Variants in ICA1 observed in about 807,000 individuals in gnomAD.
The protein encoded by ICA1 is islet cell autoantigen 1, also known as 69 kDa islet cell autoantigen.
Under a neutral mutation model 71.0 loss-of-function variants are expected in ICA1, and 40 were observed. That is an observed-to-expected ratio of 0.56 (90% confidence interval 0.44 to 0.73). The LOEUF (loss-of-function observed/expected upper bound fraction) is 0.73. ICA1 is among the 30% of genes least tolerant of loss of function. The pLI is 0.00. For missense variants in ICA1, 578 were observed against 576.5 expected (o/e 1.00, Z -0.03); for synonymous variants, 207 against 209.5 (o/e 0.99, Z 0.10).
intron 4 of ICA1, among the ~76,000 whole-genome samples, chr7:8,228,306 C>A (rs1331771117): frequency 2.0e-5 from 3 of 151,420 alleles, no homozygotes; most frequent in Non-Finnish European, 3.0e-5. Context: ...TAAAAAAAAA[C>A]CTGAAGGTAA....
chr7:8,158,486 G>C, intron 7 of ICA1, 41 bp downstream of exon 7: 3 of 1,609,878 alleles, frequency 1.9e-6, no homozygotes, highest in Non-Finnish European at 2.5e-6. Flanking sequence ...TTTAAACCTT[G>C]TGCCATCCTT....
At chr7:8,182,799 A>G (rs1022084442) in intron 6 of ICA1, among the ~76,000 whole-genome samples, 6 of 152,070 alleles carry the variant, frequency 3.9e-5, no homozygotes, top group African/African-American at 1.4e-4. Context: ...TTGGTGTTCA[A>G]TATATTTGTT....
At chr7:8,126,464 C>T (rs1414203410) in intron 13 of ICA1, among the ~76,000 whole-genome samples, 2 of 151,962 alleles carry the variant, frequency 1.3e-5, no homozygotes, top group Non-Finnish European at 2.9e-5. Flanking sequence ...TCTCTACCTC[C>T]ATTACTGCAA....
At chr7:8,213,419 G>C (rs922246998) in intron 6 of ICA1, among the ~76,000 whole-genome samples, 1 of 152,200 alleles carries the variant, frequency 6.6e-6, no homozygotes, top group African/African-American at 2.4e-5. Context: ...CTGGCATAGG[G>C]GGAGGTGTCC....
chr7:8,155,676 C>T (rs1801239875), intron 8 of ICA1, among the ~76,000 whole-genome samples: 1 of 152,100 alleles, frequency 6.6e-6, no homozygotes, highest in Non-Finnish European at 1.5e-5. Context: ...ACATGCATGC[C>T]CTAAACCCTA....
At position 8,157,161 on chromosome 7, in the gene ICA1, A is replaced by G; in HGVS notation, c.759T>C (p.His253=). Residue 253 remains histidine (H), a synonymous_variant, in exon 8 of 14, where the codon CAT becomes CAC. Coordinates refer to ENST00000402384, the MANE Select transcript of ICA1 (RefSeq NM_001136020.3). The part of the protein sequence containing the change: ...EKTSHTMAAI[H]ESFKGYQPYE... ...ATGGTTGATAACCTTTGAAACTCTC[A>G]TGGATGGCTGCCATAGTGTGAGAAG... 1 of 1,613,332 alleles carries G rather than the reference A, an allele frequency of 6.2e-7. No individual in the cohort carries two copies. The highest frequency in any genetic ancestry group is 8.5e-7 in the Non-Finnish European group (1 of 1,179,868).
chr7:8,195,955 G>C (rs1787368920), intron 6 of ICA1, among the ~76,000 whole-genome samples: 1 of 151,656 alleles, frequency 6.6e-6, no homozygotes, highest in South Asian at 2.1e-4. Context: ...TCCAGCCTGG[G>C]CAACAGAGTG....
intron 6 of ICA1, among the ~76,000 whole-genome samples, chr7:8,204,080 C>T (rs185296791): frequency 1.6e-3 from 235 of 150,746 alleles, no homozygotes; most frequent in African/African-American, 5.1e-3. Flanking sequence ...AAAAAAAAAG[C>T]CCAAATACTC....
At chr7:8,141,090 T>G (rs1012230824) in intron 10 of ICA1, among the ~76,000 whole-genome samples, 2 of 152,168 alleles carry the variant, frequency 1.3e-5, no homozygotes, top group Non-Finnish European at 2.9e-5. Context: ...CTTGGTACTG[T>G]GTCACATTAA....
At chr7:8,194,167 G>A (rs903800494) in intron 6 of ICA1, among the ~76,000 whole-genome samples, 1 of 152,086 alleles carries the variant, frequency 6.6e-6, no homozygotes, top group Non-Finnish European at 1.5e-5. Flanking sequence ...GGCTTGCTCT[G>A]GAATCCTGTC....
intron 5 of ICA1, chr7:8,218,937 G>T (rs1299158612): frequency 3.9e-5 from 10 of 256,384 alleles, no homozygotes; most frequent in Non-Finnish European, 7.7e-6. Context: ...ACTCTCCAAA[G>T]GCCAAGGCAT....
chr7:8,159,592 G>A (rs1464897679), intron 6 of ICA1, among the ~76,000 whole-genome samples: 1 of 151,984 alleles, frequency 6.6e-6, no homozygotes, highest in Non-Finnish European at 1.5e-5. Context: ...CCCAGCTACT[G>A]GGGAGGCTAA....
chr7:8,246,210 T>C (rs1242421908), intron 1 of ICA1, among the ~76,000 whole-genome samples: 3 of 152,204 alleles, frequency 2.0e-5, no homozygotes, highest in African/African-American at 7.2e-5. Context: ...AGCGCCAAGA[T>C]ATTGTCACAG....
At chr7:8,119,189 G>T (rs73674820) in intron 13 of ICA1, among the ~76,000 whole-genome samples, 17,868 of 152,080 alleles carry the variant, frequency 0.12, 1,099 homozygotes, top group East Asian at 0.16. Flanking sequence ...TCGATCCTAT[G>T]GTCCTCTGAC....
intron 1 of ICA1, among the ~76,000 whole-genome samples, chr7:8,255,912 T>C (rs1809981143): frequency 6.6e-6 from 1 of 151,792 alleles, no homozygotes; most frequent in African/African-American, 2.4e-5. Flanking sequence ...TAGCTGGGAC[T>C]ACAGGCACAT....
Position 8,230,837 on chromosome 7 carries a change from A to G in ICA1, c.183+1753T>C, listed in dbSNP as rs984067095. On this transcript the variant is annotated intron_variant, in intron 3 of 13. Transcript: ENST00000402384. ...CCCAGTTTCTATTTCAAAATTTCCA[A>G]TTGCAGAAGGAAAGGGCTGAGAACT... Among the ~76,000 whole-genome samples, 5 of 152,318 alleles carry G rather than the reference A, an allele frequency of 3.3e-5. No individual in the cohort carries two copies. In the East Asian group the frequency reaches 7.7e-4, roughly 24 times the overall value.
chr7:8,204,102 T>C (rs1790674799), intron 6 of ICA1, among the ~76,000 whole-genome samples: 1 of 151,946 alleles, frequency 6.6e-6, no homozygotes, highest in African/African-American at 2.4e-5. Flanking sequence ...TTAAGGGTGC[T>C]TGGAACATGA....
intron 6 of ICA1, among the ~76,000 whole-genome samples, chr7:8,196,385 A>T (rs1787579351): frequency 6.6e-6 from 1 of 152,240 alleles, no homozygotes; most frequent in African/African-American, 2.4e-5. Flanking sequence ...AGCACAGATG[A>T]CTGCTCGGGC....
rs1796101189 is a variant in ICA1 at position 8,144,012 on chromosome 7, A to G, written c.805-40T>C. The G allele has an allele frequency of 1.7e-6, 2 of 1,145,498 alleles. No individual in the cohort carries two copies. Among genetic ancestry groups the G allele is most frequent in the Non-Finnish European group, 1.3e-6 (1 of 780,852 alleles). The allele number at this position is 1,145,498 out of a possible 1,614,324, so 71.0% of individuals were successfully genotyped here. A position where few individuals can be genotyped will look rare whatever the true frequency, so the allele number is the denominator to read the frequency against. On this transcript the variant is annotated intron_variant, in intron 8 of 13. Coordinates refer to ENST00000402384, the MANE Select transcript of ICA1 (RefSeq NM_001136020.3). This position sits in a 1 kb window ranked among gnomAD's most constrained non-coding sequence, Gnocchi z 4.5. Reference sequence around the variant, plus strand: ...ATAGAAAAATGAAAAAGAAAAAAAAAGAAGAAGAAATAGAGACAAAAAAAA... The same window carrying G: ...ATAGAAAAATGAAAAAGAAAAAAAAGGAAGAAGAAATAGAGACAAAAAAAA...
Sources: gnomAD v4.1 joint callset for allele counts (sites outside exome capture counted in the v4.1 genomes callset) on GRCh38, gnomAD v4.1.1 for gene constraint, Gnocchi (gnomAD v3.1) non-coding constraint, MANE v1.5 for transcripts, NCBI Gene and HGNC (gene_info 2026-07-23, HGNC 2026-07-21) for gene names.